The following SEC14L5 variants were observed in gnomAD, a reference collection of about 807,000 sequenced individuals.
SEC14L5 encodes SEC14-like protein 5.
A neutral mutation model predicts 84.6 loss-of-function variants in SEC14L5; 96 were observed. The observed-to-expected ratio is 1.13, with a 90% confidence interval of 0.96 to 1.34. The LOEUF is 1.34. Among genes scored for constraint, SEC14L5 ranks in the 40% most tolerant of loss-of-function variants. SEC14L5 has a pLI of 0.00. For missense variants in SEC14L5, 1,224 were observed against 942.5 expected, an observed-to-expected ratio of 1.30 and a Z score of -3.91; for synonymous variants, 546 against 383.4, an observed-to-expected ratio of 1.42 and a Z score of -4.95.
chr16:4,964,674 G>A (rs940695084), intron 2 of SEC14L5, among the ~76,000 whole-genome samples: 1 of 152,068 alleles, frequency 6.6e-6, no homozygotes, highest in Non-Finnish European at 1.5e-5. Context: ...GACCTCAGGT[G>A]ATCTTCCTGC....
chr16:5,007,277 C>A, intron 12 of SEC14L5, 75 bp from the exon 13 acceptor site: 1 of 1,446,418 alleles, frequency 6.9e-7, no homozygotes, highest in Non-Finnish European at 9.5e-7. Context: ...GGGGGTCACA[C>A]ATCACCCTTC....
intron 2 of SEC14L5, among the ~76,000 whole-genome samples, chr16:4,966,897 C>T (rs1349120770): frequency 6.6e-6 from 1 of 152,216 alleles, no homozygotes. Context: ...AGGGAGAATA[C>T]AGCCCAAGCC....
Position 5,008,479 on chromosome 16 carries a change from G to C in SEC14L5, c.1631G>C (p.Arg544Pro). The change falls in exon 14 of 16, where the codon CGA (arginine) becomes CCA (proline). Residue 544 changes from arginine to proline, a missense_variant. Physicochemically the swap from Arg to Pro is moderately radical, Grantham distance 103 (BLOSUM62 -2). Transcript: ENST00000251170. The stretch of plus-strand genomic sequence containing the variant: ...ATCACCTGGGACTTTGACATCCTGC[G>C]AGGGGACGTGGTGTTCAGCCTGTAC... The part of the protein sequence containing the change: ...SVITWDFDIL[R>P]GDVVFSLYHT... 6.2e-7 allele frequency: 1 copy of C among 1,613,574 alleles called. No individual in the cohort carries two copies. Among genetic ancestry groups the C allele is most frequent in the Non-Finnish European group, 8.5e-7 (1 of 1,179,782 alleles).
At chr16:4,959,129 A>C in intron 1 of SEC14L5, 144 bp from the exon 2 acceptor site, 1 of 603,160 alleles carries the variant, frequency 1.7e-6, no homozygotes, top group Non-Finnish European at 3.0e-6. Context: ...GGCCTGGAGT[A>C]ATTTGGGGGG....
chr16:4,996,711 A>G, intron 7 of SEC14L5, 144 bp from the exon 8 acceptor site: 1 of 670,878 alleles, frequency 1.5e-6, no homozygotes, highest in Non-Finnish European at 2.5e-6. Context: ...AGCTGGGGTT[A>G]CAGGCGCACA....
In SEC14L5 at chr16:5,015,896, G is replaced by A. The variant is rs921713010; in HGVS notation, c.*926G>A. 1 of 152,328 alleles carries A rather than the reference G, an allele frequency of 6.6e-6. No homozygotes were observed. The highest frequency in any genetic ancestry group is 6.5e-5 in the Admixed American group (1 of 15,282). The allele number at this position is 152,328 out of a possible 1,614,324, so 9.4% of individuals were successfully genotyped here. ...TGATTGGAGAGGGTGGGAGAGCCCT[G>A]GGTTTCTGCTAAGTTCCAGGCAGTG... On this transcript the variant is annotated 3_prime_UTR_variant, in exon 16 of 16. Transcript: ENST00000251170.
intron 13 of SEC14L5, 92 bp from the exon 14 acceptor site, chr16:5,008,329 G>T: frequency 1.1e-6 from 1 of 887,610 alleles, no homozygotes; most frequent in Non-Finnish European, 1.8e-6. Flanking sequence ...GGAGACCCCA[G>T]GGGGCACCCA....
At chr16:4,973,056 G>T (rs1221088465) in intron 2 of SEC14L5, among the ~76,000 whole-genome samples, 1 of 152,220 alleles carries the variant, frequency 6.6e-6, no homozygotes, top group African/African-American at 2.4e-5. Flanking sequence ...TTCAGCAGTT[G>T]TGATGTGTGA....
At chr16:5,000,124 C>T (rs1367349892) in intron 8 of SEC14L5, among the ~76,000 whole-genome samples, 2 of 151,964 alleles carry the variant, frequency 1.3e-5, no homozygotes, top group Non-Finnish European at 2.9e-5. Context: ...AACCCCATTT[C>T]TACTAAAAAT....
chr16:4,984,921 C>T (rs1955467365), intron 2 of SEC14L5, among the ~76,000 whole-genome samples: 1 of 152,144 alleles, frequency 6.6e-6, no homozygotes, highest in Non-Finnish European at 1.5e-5. Flanking sequence ...CTCGTTTATA[C>T]ATTCTAGATG....
At chr16:5,013,913 A>G (rs1383316518) in intron 15 of SEC14L5, among the ~76,000 whole-genome samples, 1 of 151,680 alleles carries the variant, frequency 6.6e-6, no homozygotes, top group Non-Finnish European at 1.5e-5. Context: ...GGCTGGTCTC[A>G]AACTCCTGGC....
At chr16:4,970,918 G>A (rs1165983684) in intron 2 of SEC14L5, among the ~76,000 whole-genome samples, 1 of 152,144 alleles carries the variant, frequency 6.6e-6, no homozygotes, top group African/African-American at 2.4e-5. Context: ...GACCAGCCTG[G>A]CCAACATGGT....
intron 4 of SEC14L5, among the ~76,000 whole-genome samples, chr16:4,989,047 T>G (rs1256141157): frequency 6.6e-6 from 1 of 152,090 alleles, no homozygotes; most frequent in African/African-American, 2.4e-5. Context: ...GGAACAGCAT[T>G]TTGGGGGTGG....
intron 2 of SEC14L5, among the ~76,000 whole-genome samples, chr16:4,984,646 A>G (rs1955465401): frequency 6.6e-6 from 1 of 152,204 alleles, no homozygotes; most frequent in Non-Finnish European, 1.5e-5. Flanking sequence ...TATTACATAC[A>G]CGTGGGAGGG....
intron 4 of SEC14L5, 29 bp downstream of exon 4, chr16:4,988,309 G>A (rs1182303820): frequency 3.7e-6 from 6 of 1,609,328 alleles, no homozygotes; most frequent in African/African-American, 1.3e-5. Flanking sequence ...CAGCGCCCAC[G>A]CCCGGCACCC....
intron 6 of SEC14L5, among the ~76,000 whole-genome samples, chr16:4,992,650 T>A (rs1383335733): frequency 1.3e-5 from 2 of 152,248 alleles, no homozygotes; most frequent in Non-Finnish European, 2.9e-5. Flanking sequence ...TTATTATGAA[T>A]TTACTAATTA....
chr16:5,014,743 C>G, intron 15 of SEC14L5, 116 bp from the exon 16 acceptor site: 2 of 713,620 alleles, frequency 2.8e-6, no homozygotes, highest in South Asian at 1.8e-5. Flanking sequence ...CCCTTTGCAT[C>G]GGCCTGGGGC....
At chr16:5,001,209 A>T (rs917946627) in intron 10 of SEC14L5, among the ~76,000 whole-genome samples, 11 of 148,346 alleles carry the variant, frequency 7.4e-5, no homozygotes, top group African/African-American at 2.5e-4. Context: ...TAGCTCGAAG[A>T]CTTTATCCTC....
intron 13 of SEC14L5, among the ~76,000 whole-genome samples, chr16:5,008,039 C>G (rs568923612): frequency 9.2e-4 from 139 of 151,778 alleles, no homozygotes; most frequent in African/African-American, 3.3e-3. Context: ...TCCCGAGTAG[C>G]TGGGATTACA....
Sources: allele counts gnomAD v4.1 joint callset (sites outside exome capture counted in the v4.1 genomes callset), GRCh38; gene constraint gnomAD v4.1.1; transcripts MANE v1.5; gene names NCBI Gene and HGNC (gene_info 2026-07-23, HGNC 2026-07-21).